Variants in METAP1D observed in about 807,000 individuals in gnomAD.
METAP1D encodes methionyl aminopeptidase type 1D, mitochondrial, also known as methionine aminopeptidase 1D, mitochondrial.
METAP1D carries 31 observed loss-of-function variants against 40.5 expected under a neutral mutation model. That is an observed-to-expected ratio of 0.77 (90% CI 0.58 to 1.03). The LOEUF is 1.03. Ranked by LOEUF, METAP1D falls within the 50% of genes least tolerant of loss-of-function variation. The pLI, the probability that METAP1D is intolerant of heterozygous loss-of-function variation, is 0.00. For missense variants in METAP1D, 411 were observed against 420.7 expected (o/e 0.98, Z 0.20); for synonymous variants, 151 against 146.4 (o/e 1.03, Z -0.22).
At chr2:172,019,542 C>A (rs1166182817) in intron 1 of METAP1D, among the ~76,000 whole-genome samples, 1 of 151,520 alleles carries the variant, frequency 6.6e-6, no homozygotes, top group Non-Finnish European at 1.5e-5. Context: ...ATAGAGAGAC[C>A]CCTCTGTCTA....
intron 1 of METAP1D, among the ~76,000 whole-genome samples, chr2:172,034,925 A>G (rs1313463065): frequency 6.6e-6 from 1 of 151,796 alleles, no homozygotes; most frequent in East Asian, 1.9e-4. Context: ...TAACACATCA[A>G]TAAAGATTTT....
chr2:172,072,528 C>A (rs901905549), intron 6 of METAP1D: 3 of 166,924 alleles, frequency 1.8e-5, no homozygotes, highest in Non-Finnish European at 4.4e-5. Flanking sequence ...TAGTCACATT[C>A]ATCAACTGCA....
intron 1 of METAP1D, among the ~76,000 whole-genome samples, chr2:172,039,337 A>G (rs1243627234): frequency 1.3e-5 from 2 of 152,184 alleles, no homozygotes; most frequent in African/African-American, 4.8e-5. Context: ...CTTGTGCTCT[A>G]GTGCACTTCA....
chr2:172,044,342 CGAGGTCAT>C (rs1689682602), intron 1 of METAP1D, among the ~76,000 whole-genome samples: 1 of 118,666 alleles, frequency 8.4e-6, no homozygotes, highest in African/African-American at 2.8e-5. Context: ...AGGTGGATCA[CGAGGTCAT>C]GAGATCAAGA....
chr2:172,041,852 G>C lies in METAP1D; in HGVS notation c.41-19646G>C, dbSNP rs1317594136. Reference sequence around the variant, plus strand: ...GTCTTACTCTGTTTCCCAGGCTGGAGTGCAGTGATGCCATGTCAACTCACT... The same window carrying C: ...GTCTTACTCTGTTTCCCAGGCTGGACTGCAGTGATGCCATGTCAACTCACT... On this transcript the variant is annotated intron_variant, in intron 1 of 9. Coordinates refer to ENST00000315796, the MANE Select transcript of METAP1D (RefSeq NM_199227.3). 1.8e-5 allele frequency among the ~76,000 whole-genome samples: 2 copies of C among 109,050 alleles called. 1 individual carries two copies. Among genetic ancestry groups the C allele is most frequent in the Non-Finnish European group, 4.3e-5 (2 of 46,872 alleles). 71.5% of individuals were successfully genotyped at this position (109,050 alleles called of 152,430 possible). A position where few individuals can be genotyped will look rare whatever the true frequency, so the allele number is the denominator to read the frequency against.
chr2:172,036,625 A>G (rs981074258), intron 1 of METAP1D, among the ~76,000 whole-genome samples: 1 of 151,774 alleles, frequency 6.6e-6, no homozygotes, highest in African/African-American at 2.4e-5. Context: ...TCGGCCTCCC[A>G]AAGTACCGAG....
At chr2:172,003,778 T>C (rs1688520258) in intron 1 of METAP1D, among the ~76,000 whole-genome samples, 1 of 152,096 alleles carries the variant, frequency 6.6e-6, no homozygotes, top group Non-Finnish European at 1.5e-5. Context: ...CTTTCTTTTT[T>C]TTTTGAGACA....
At chr2:172,012,119 C>T (rs750660675) in intron 1 of METAP1D, among the ~76,000 whole-genome samples, 1 of 152,238 alleles carries the variant, frequency 6.6e-6, no homozygotes, top group African/African-American at 2.4e-5. Flanking sequence ...CACCCTGTCT[C>T]TGTCAGTAAG....
chr2:172,032,982 C>T (rs1417624203), intron 1 of METAP1D, among the ~76,000 whole-genome samples: 1 of 151,898 alleles, frequency 6.6e-6, no homozygotes, highest in African/African-American at 2.4e-5. Context: ...TGGCGTGAAC[C>T]CGGGAGGTGG....
At chr2:172,079,181 C>G in intron 7 of METAP1D, 34 bp from the exon 8 acceptor site, 2 of 1,608,084 alleles carry the variant, frequency 1.2e-6, no homozygotes, top group Non-Finnish European at 1.7e-6. Flanking sequence ...CTCCCCATTT[C>G]CTATTCTCAC....
intron 1 of METAP1D, among the ~76,000 whole-genome samples, chr2:172,014,891 A>G (rs143641923): frequency 0.012 from 1,867 of 151,936 alleles, 39 homozygotes; most frequent in African/African-American, 0.041. Flanking sequence ...TGACCTTGTA[A>G]TCCGCCCACC....
At chr2:172,033,415 G>A (rs551105464) in intron 1 of METAP1D, among the ~76,000 whole-genome samples, 6 of 150,910 alleles carry the variant, frequency 4.0e-5, no homozygotes, top group African/African-American at 1.5e-4. Flanking sequence ...GTGCAGTGGT[G>A]CGATCTTGGC....
rs185682951 is a variant in METAP1D at position 172,079,931 on chromosome 2, C to A, written c.851-197C>A. 2.8e-4 allele frequency among the ~76,000 whole-genome samples: 43 copies of A among 152,278 alleles called. No homozygotes were observed. The South Asian group carries it at 3.5e-3, about 12-fold the overall frequency. On this transcript the variant is annotated intron_variant, in intron 8 of 9. Coordinates refer to ENST00000315796, the MANE Select transcript of METAP1D (RefSeq NM_199227.3). Reference sequence around the variant, plus strand: ...ATACATTTTGAATGGCGCAGTGTTTCCTCTTCCAACTGTTTAGTTTGTAGT... The same window carrying A: ...ATACATTTTGAATGGCGCAGTGTTTACTCTTCCAACTGTTTAGTTTGTAGT...
intron 1 of METAP1D, among the ~76,000 whole-genome samples, chr2:172,036,363 G>A (rs1266056018): frequency 1.3e-5 from 2 of 150,270 alleles, no homozygotes; most frequent in African/African-American, 4.9e-5. Context: ...TGTAGTTGAT[G>A]GACATCTGGG....
chr2:172,035,151 T>TG (rs1689341590), intron 1 of METAP1D, among the ~76,000 whole-genome samples: 1 of 115,402 alleles, frequency 8.7e-6, no homozygotes, highest in African/African-American at 2.7e-5. Flanking sequence ...TACTGTGTTT[T>TG]TTTTTTGTTT....
chr2:172,060,100 A>G (rs1049517762), intron 1 of METAP1D, among the ~76,000 whole-genome samples: 6 of 150,866 alleles, frequency 4.0e-5, no homozygotes, highest in African/African-American at 1.5e-4. Context: ...TGTTCTAAAT[A>G]TGAAAGTAAT....
chr2:172,043,945 AT>A (rs896712415), intron 1 of METAP1D, among the ~76,000 whole-genome samples: 2 of 134,294 alleles, frequency 1.5e-5, no homozygotes, highest in African/African-American at 2.5e-5. Flanking sequence ...ATAAAAAAAA[AT>A]ATTGGGCATG....
intron 1 of METAP1D, among the ~76,000 whole-genome samples, chr2:172,039,491 G>A (rs1275306822): frequency 6.6e-6 from 1 of 152,072 alleles, no homozygotes; most frequent in African/African-American, 2.4e-5. Flanking sequence ...TAGTCCCTGG[G>A]GCTGTTCATA....
chr2:172,079,198 T>C lies in METAP1D; in HGVS notation c.803-17T>C, dbSNP rs745688491. 2 of 1,613,340 alleles carry C rather than the reference T, an allele frequency of 1.2e-6. No individual in the cohort carries two copies. Among genetic ancestry groups the C allele is most frequent in the South Asian group, 1.1e-5 (1 of 91,082 alleles). On this transcript the variant is annotated splice_polypyrimidine_tract_variant and intron_variant, in intron 7 of 9. Coordinates refer to ENST00000315796, the MANE Select transcript of METAP1D (RefSeq NM_199227.3). ...CCCCATTTCCTATTCTCACCCCCCA[T>C]GTTTTTTGTTTTGCAGCAAACGACA... is the stretch of plus-strand genomic sequence containing the variant.
Sources: allele counts gnomAD v4.1 joint callset (sites outside exome capture counted in the v4.1 genomes callset), GRCh38; gene constraint gnomAD v4.1.1; transcripts MANE v1.5; gene names NCBI Gene and HGNC (gene_info 2026-07-23, HGNC 2026-07-21).